Variants in SRPRA observed in about 807,000 individuals in gnomAD.
SRPRA encodes SRP receptor subunit alpha.
Under a neutral mutation model 61.1 loss-of-function variants are expected in SRPRA, and 30 were observed. The observed-to-expected ratio is 0.49, with a 90% CI of 0.37 to 0.67. The LOEUF (loss-of-function observed/expected upper bound fraction) is 0.67, where lower values mean the gene tolerates loss of function less well. SRPRA is among the 30% of genes least tolerant of loss of function. The pLI is 0.00. For missense variants in SRPRA, 759 were observed against 828.4 expected (o/e 0.92, Z 1.03); for synonymous variants, 324 against 299.7 (o/e 1.08, Z -0.84).
At chr11:126,256,231 A>G in the SRPRA span, among the ~76,000 whole-genome samples, 1 of 152,248 alleles carries the variant, frequency 6.6e-6, no homozygotes, top group Non-Finnish European at 1.5e-5. This position sits in a 1 kb window ranked among gnomAD's most constrained non-coding sequence, Gnocchi z 6.6. Flanking sequence ...ACACCACTAC[A>G]CTCTAGCCCA....
chr11:126,255,498 C>A, the SRPRA span, among the ~76,000 whole-genome samples: 1 of 152,162 alleles, frequency 6.6e-6, no homozygotes, highest in Admixed American at 6.5e-5. The surrounding 1 kb of genome is among the most constrained non-coding windows in gnomAD (Gnocchi z 4.6). Flanking sequence ...TATACACACA[C>A]ACACACATAC....
At position 126,264,412 on chromosome 11, in the gene SRPRA, T is replaced by C. The variant is rs1950764618; in HGVS notation, c.1653A>G (p.Gly551=). The C allele has an allele frequency of 3.7e-6, 6 of 1,614,106 alleles. No individual in the cohort carries two copies. Among genetic ancestry groups the C allele is most frequent in the African/African-American group, 2.7e-5 (2 of 74,934 alleles). Reference sequence around the variant, plus strand: ...CGGCTTCATTGCCTACTAAGGCTTCTCCTACAAACAGCACCAAATCAGGTG... The same window carrying C: ...CGGCTTCATTGCCTACTAAGGCTTCCCCTACAAACAGCACCAAATCAGGTG... ...VNTPDLVLFV[G]EALVGNEAVD... The change falls in exon 12 of 14, where the codon GGA becomes GGG. Residue 551 remains glycine (G), a synonymous_variant. Coordinates refer to ENST00000332118, the MANE Select transcript of SRPRA (RefSeq NM_003139.4). This position sits in a 1 kb window ranked among gnomAD's most constrained non-coding sequence, Gnocchi z 5.0.
the SRPRA span, among the ~76,000 whole-genome samples, chr11:126,245,857 G>A: frequency 3.9e-5 from 6 of 152,070 alleles, no homozygotes; most frequent in Non-Finnish European, 5.9e-5. Flanking sequence ...TTAGCTGGGC[G>A]TGGTGGCGCA....
rs1950771997 is a variant in SRPRA, at chr11:126,264,696, G to A, written c.1526-157C>T. 1.1e-6 allele frequency: 1 copy of A among 897,258 alleles called. No homozygotes were observed. The highest frequency in any genetic ancestry group is 1.6e-6 in the Non-Finnish European group (1 of 606,932). The allele number at this position is 897,258 out of a possible 1,614,324, so 55.6% of individuals were successfully genotyped here. ...TGAGAAAAACTTGATTATATGCTTG[G>A]CCATCACCAAACATATTCAGGAAAA... is the stretch of plus-strand genomic sequence containing the variant. On this transcript the variant is annotated intron_variant, in intron 11 of 13. Transcript: ENST00000332118. This position sits in a 1 kb window ranked among gnomAD's most constrained non-coding sequence, Gnocchi z 5.0.
At chr11:126,256,779 T>C in the SRPRA span, 2 of 1,611,470 alleles carry the variant, frequency 1.2e-6, no homozygotes, top group Non-Finnish European at 8.5e-7. The surrounding 1 kb of genome is among the most constrained non-coding windows in gnomAD (Gnocchi z 6.6). Flanking sequence ...TCATCTCCTA[T>C]GGAGATGACT....
At chr11:126,237,689 A>T in the SRPRA span, among the ~76,000 whole-genome samples, 1 of 144,054 alleles carries the variant, frequency 6.9e-6, no homozygotes, top group Non-Finnish European at 1.5e-5. Context: ...CTAAAAAAAA[A>T]AAAAAAAAAA....
the SRPRA span, among the ~76,000 whole-genome samples, chr11:126,248,676 C>T: frequency 6.6e-5 from 10 of 152,060 alleles, no homozygotes; most frequent in African/African-American, 9.7e-5. Flanking sequence ...GGCCCAGACT[C>T]GCTTTTATAA....
rs1024423034 is a variant in SRPRA, at chr11:126,266,350, A to C, written c.841-72T>G. On this transcript the variant is annotated intron_variant, in intron 6 of 13. Coordinates refer to ENST00000332118, the MANE Select transcript of SRPRA (RefSeq NM_003139.4). The stretch of plus-strand genomic sequence containing the variant: ...CTGAGGAAAACGTCCACATTGCTCT[A>C]TCTCTTTCATTTTGGGAAGCTCCAA... 2.6e-5 allele frequency: 41 copies of C among 1,591,886 alleles called. No homozygotes were observed. In the East Asian group the frequency reaches 4.0e-4, roughly 16 times the overall value.
At chr11:126,254,287 T>C in the SRPRA span, 2 of 1,612,716 alleles carry the variant, frequency 1.2e-6, no homozygotes, top group Admixed American at 3.3e-5. Flanking sequence ...CTGGTTGGGC[T>C]ATATGTGTGT....
intron 7 of SRPRA, 50 bp downstream of exon 7, chr11:126,266,137 T>C: frequency 6.2e-7 from 1 of 1,612,938 alleles, no homozygotes; most frequent in Non-Finnish European, 8.5e-7. Context: ...GAGTTGTATC[T>C]TACCAGTTTT....
At chr11:126,244,242 G>A in the SRPRA span, among the ~76,000 whole-genome samples, 2 of 152,016 alleles carry the variant, frequency 1.3e-5, no homozygotes, top group African/African-American at 2.4e-5. The surrounding 1 kb of genome is among the most constrained non-coding windows in gnomAD (Gnocchi z 4.5). Flanking sequence ...GTTCTAGACC[G>A]GGCAGTTAAG....
rs1023313428 is a variant in SRPRA at position 126,265,575 on chromosome 11, A to G, written c.1139-135T>C. 2.7e-5 allele frequency: 33 copies of G among 1,215,392 alleles called. No individual in the cohort carries two copies. Among genetic ancestry groups the G allele is most frequent in the Non-Finnish European group, 3.4e-5 (29 of 864,828 alleles). The allele number at this position is 1,215,392 out of a possible 1,614,324, so 75.3% of individuals were successfully genotyped here. The stretch of plus-strand genomic sequence containing the variant: ...TCCCAGAAATCCAGAACAGACGCAC[A>G]TTACAAGGACTAACTCACTGAATCC... On this transcript the variant is annotated intron_variant, in intron 9 of 13. Coordinates refer to ENST00000332118, the MANE Select transcript of SRPRA (RefSeq NM_003139.4). The surrounding 1 kb of genome is among the most constrained non-coding windows in gnomAD (Gnocchi z 6.3).
rs1950741325 is a variant in SRPRA at position 126,263,332 on chromosome 11, TAAC to T, written c.*581_*583del. 1 of 152,668 alleles carries T rather than the reference TAAC, an allele frequency of 6.6e-6. No homozygotes were observed. The highest frequency in any genetic ancestry group is 2.1e-4 in the South Asian group (1 of 4,840). 9.5% of individuals were successfully genotyped at this position (152,668 alleles called of 1,614,324 possible). On this transcript the variant is annotated 3_prime_UTR_variant, in exon 14 of 14. Coordinates refer to ENST00000332118, the MANE Select transcript of SRPRA (RefSeq NM_003139.4). Reference sequence around the variant, plus strand: ...CAAGGACTCATCTTTTGCTCATTTGTAACAAATCACTCCAGCCTAGCTGATGCT... The same window carrying T: ...CAAGGACTCATCTTTTGCTCATTTGTAAATCACTCCAGCCTAGCTGATGCT...
intron 5 of SRPRA, 32 bp downstream of exon 5, chr11:126,266,731 T>C: frequency 6.2e-7 from 1 of 1,612,100 alleles, no homozygotes; most frequent in Non-Finnish European, 8.5e-7. Flanking sequence ...TAGATAACAG[T>C]ATTTTGAGAG....
the SRPRA span, among the ~76,000 whole-genome samples, chr11:126,255,260 G>A: frequency 6.6e-6 from 1 of 152,126 alleles, no homozygotes; most frequent in African/African-American, 2.4e-5. The surrounding 1 kb of genome is among the most constrained non-coding windows in gnomAD (Gnocchi z 4.6). Context: ...AGAAGTATTC[G>A]CTGCCCCCAG....
At chr11:126,250,820 TTATG>T in the SRPRA span, 1 of 1,077,020 alleles carries the variant, frequency 9.3e-7, no homozygotes, top group East Asian at 2.6e-5. The surrounding 1 kb of genome is among the most constrained non-coding windows in gnomAD (Gnocchi z 5.1). Context: ...ATATTGGTAT[TTATG>T]TAGAGCTAGA....
chr11:126,242,165 T>C, the SRPRA span, among the ~76,000 whole-genome samples: 28,227 of 152,002 alleles, frequency 0.19, 2,939 homozygotes, highest in Non-Finnish European at 0.25. Flanking sequence ...AATACAGATT[T>C]AAAATTTCAT....
chr11:126,262,101 C>G (rs367937630), downstream of SRPRA: 2 of 1,613,918 alleles, frequency 1.2e-6, no homozygotes, highest in South Asian at 2.2e-5. Flanking sequence ...ATTTTGTTCT[C>G]TTTTCTTTCT....
downstream of SRPRA, among the ~76,000 whole-genome samples, chr11:126,259,704 C>G (rs1950645764): frequency 6.6e-6 from 1 of 151,398 alleles, no homozygotes; most frequent in South Asian, 2.1e-4. Flanking sequence ...GGATTACAGG[C>G]GTGAGCCACC....
Sources: allele counts gnomAD v4.1 joint callset (sites outside exome capture counted in the v4.1 genomes callset), GRCh38; gene constraint gnomAD v4.1.1; non-coding constraint Gnocchi (gnomAD v3.1); transcripts MANE v1.5; gene names NCBI Gene and HGNC (gene_info 2026-07-23, HGNC 2026-07-21).